LY86: variants seen among roughly 807,000 people sequenced by gnomAD.
LY86 encodes the protein MD-1, RP105-associated.
LY86 carries 20 observed loss-of-function variants against 17.3 expected under a neutral mutation model. The ratio of observed to expected loss-of-function variants is 1.15; its 90% confidence interval spans 0.81 to 1.68. The LOEUF (loss-of-function observed/expected upper bound fraction) is 1.68. Ranked by LOEUF, LY86 falls within the 40% of genes most tolerant of loss-of-function variation. The pLI, the probability that LY86 is intolerant of heterozygous loss-of-function variation, is 0.00. For synonymous variants in LY86, 74 were observed against 70.6 expected (o/e 1.05, Z -0.24); for missense variants, 200 against 191.9 (o/e 1.04, Z -0.25).
chr6:6,602,929 C>T (rs114246810), intron 1 of LY86, among the ~76,000 whole-genome samples: 3,340 of 151,058 alleles, frequency 0.022, 122 homozygotes, highest in African/African-American at 0.077. Flanking sequence ...TTAGTTCATT[C>T]AGGCTGCCAT....
chr6:6,647,968 TACACACACACACAC>T (rs57233850), intron 3 of LY86, among the ~76,000 whole-genome samples: 8,105 of 144,668 alleles, frequency 0.056, 418 homozygotes, highest in African/African-American at 0.14. Context: ...AATCATCACA[TACACACACACACAC>T]ACACACACAC....
rs1243310622 is a variant in LY86, at chr6:6,654,638, T to C, written c.*11T>C. The C allele has an allele frequency of 5.0e-6, 8 of 1,612,838 alleles. No individual in the cohort carries two copies. Among genetic ancestry groups the C allele is most frequent in the African/African-American group, 2.7e-5 (2 of 74,892 alleles). Reference sequence around the variant, plus strand: ...ATCATGTGCTCCTGACTGTGGCCTGTAGCAAAAATCACAGCCAGCTGCATC... The same window carrying C: ...ATCATGTGCTCCTGACTGTGGCCTGCAGCAAAAATCACAGCCAGCTGCATC... On this transcript the variant is annotated 3_prime_UTR_variant, in exon 5 of 5. Transcript: ENST00000230568.
intron 3 of LY86, among the ~76,000 whole-genome samples, chr6:6,637,213 T>G (rs1009184229): frequency 4.6e-5 from 7 of 151,920 alleles, no homozygotes; most frequent in Admixed American, 2.6e-4. Flanking sequence ...GGGTTTCACC[T>G]TGTTAGCCAG....
At chr6:6,604,806 A>C (rs1389263028) in intron 1 of LY86, among the ~76,000 whole-genome samples, 1 of 149,976 alleles carries the variant, frequency 6.7e-6, no homozygotes, top group African/African-American at 2.5e-5. Flanking sequence ...TCACAATTAG[A>C]CCAACCAGGA....
chr6:6,621,682 A>G (rs1355389692), intron 1 of LY86, among the ~76,000 whole-genome samples: 1 of 152,234 alleles, frequency 6.6e-6, no homozygotes, highest in East Asian at 1.9e-4. Context: ...TATCCAAAAC[A>G]AAATGTCAAT....
At chr6:6,610,505 C>A (rs927095239) in intron 1 of LY86, among the ~76,000 whole-genome samples, 1 of 151,824 alleles carries the variant, frequency 6.6e-6, no homozygotes, top group East Asian at 1.9e-4. Context: ...TAAAATAGTG[C>A]TCAGTTCCTC....
At chr6:6,649,603 T>C in intron 3 of LY86, 22 bp from the exon 4 acceptor site, 2 of 1,443,304 alleles carry the variant, frequency 1.4e-6, no homozygotes, top group South Asian at 1.2e-5. Context: ...TAACATCATC[T>C]ATGCTTTATA....
chr6:6,604,877 A>G (rs1019330258), intron 1 of LY86, among the ~76,000 whole-genome samples: 1 of 151,960 alleles, frequency 6.6e-6, no homozygotes, highest in African/African-American at 2.4e-5. Context: ...GAAATTACCT[A>G]AAAGAAGTTA....
At chr6:6,605,575 C>T (rs1047787507) in intron 1 of LY86, among the ~76,000 whole-genome samples, 3 of 152,374 alleles carry the variant, frequency 2.0e-5, no homozygotes, top group African/African-American at 4.8e-5. Flanking sequence ...TGGGAGAAAG[C>T]GCATGACAGC....
chr6:6,607,079 G>A (rs1195682260), intron 1 of LY86, among the ~76,000 whole-genome samples: 5 of 152,260 alleles, frequency 3.3e-5, no homozygotes, highest in African/African-American at 1.2e-4. Context: ...GGGCCATGTT[G>A]GAGGCTGCCT....
In LY86 at chr6:6,618,378, T is replaced by C. The variant is rs1345490373; in HGVS notation, c.137-6548T>C. ...TGGAACTTAGAGGCCAGAGGGGCCA[T>C]GCAAGATTCCTACTCCTTTTCTGTC... On this transcript the variant is annotated intron_variant, in intron 1 of 4. Transcript: ENST00000230568. Among the ~76,000 whole-genome samples, 4 of 152,250 alleles carry C rather than the reference T, an allele frequency of 2.6e-5. No individual in the cohort carries two copies. In the East Asian group the frequency reaches 5.8e-4, roughly 22 times the overall value.
chr6:6,602,835 C>T (rs1344592270), intron 1 of LY86, among the ~76,000 whole-genome samples: 2 of 152,224 alleles, frequency 1.3e-5, no homozygotes, highest in Non-Finnish European at 2.9e-5. Context: ...GACAAGCTTA[C>T]TCCCACAGTC....
chr6:6,610,400 C>T (rs998875703), intron 1 of LY86, among the ~76,000 whole-genome samples: 9 of 152,204 alleles, frequency 5.9e-5, no homozygotes, highest in African/African-American at 2.2e-4. Flanking sequence ...CCTTTATGAC[C>T]CACAGTGCAG....
chr6:6,605,911 G>A (rs753595362), intron 1 of LY86, among the ~76,000 whole-genome samples: 47 of 152,174 alleles, frequency 3.1e-4, no homozygotes, highest in Non-Finnish European at 4.6e-4. Context: ...CTGGCTTCAG[G>A]AATGAAGCTG....
chr6:6,642,802 A>C (rs2113158538), intron 3 of LY86, among the ~76,000 whole-genome samples: 1 of 152,298 alleles, frequency 6.6e-6, no homozygotes, highest in South Asian at 2.1e-4. Context: ...AAATACCCAG[A>C]GGTAAGGAGA....
At chr6:6,590,603 C>T (rs1306514788) in intron 1 of LY86, among the ~76,000 whole-genome samples, 1 of 152,110 alleles carries the variant, frequency 6.6e-6, no homozygotes, top group Non-Finnish European at 1.5e-5. Context: ...TGGGGAGCAA[C>T]TCAGGAGCCC....
chr6:6,650,851 C>T (rs1257036485), intron 4 of LY86, among the ~76,000 whole-genome samples: 2 of 152,116 alleles, frequency 1.3e-5, no homozygotes, highest in Non-Finnish European at 2.9e-5. Flanking sequence ...TACCCTTCAA[C>T]CCACTTCTCT....
intron 1 of LY86, among the ~76,000 whole-genome samples, chr6:6,600,156 T>C (rs1376965872): frequency 1.3e-5 from 2 of 152,186 alleles, no homozygotes; most frequent in Non-Finnish European, 2.9e-5. Flanking sequence ...AAACTTTACA[T>C]AGAAATGGCA....
intron 1 of LY86, among the ~76,000 whole-genome samples, chr6:6,605,511 G>C (rs568363464): frequency 6.6e-6 from 1 of 151,744 alleles, no homozygotes; most frequent in East Asian, 1.9e-4. Context: ...GCCTTGCCAT[G>C]GGGGGTCTCC....
Sources: allele counts gnomAD v4.1 joint callset (sites outside exome capture counted in the v4.1 genomes callset), GRCh38; gene constraint gnomAD v4.1.1; transcripts MANE v1.5; gene names NCBI Gene and HGNC (gene_info 2026-07-23, HGNC 2026-07-21).